CDKL1: variants seen among roughly 807,000 people sequenced by gnomAD.
CDKL1 encodes the protein cyclin dependent kinase like 1.
A neutral mutation model predicts 42.0 loss-of-function variants in CDKL1; 41 were observed. The ratio of observed to expected loss-of-function variants is 0.98; its 90% CI spans 0.76 to 1.27. The LOEUF (loss-of-function observed/expected upper bound fraction) is 1.27. Ranked by LOEUF, CDKL1 falls within the 50% of genes most tolerant of loss-of-function variation. The pLI, the probability that CDKL1 is intolerant of heterozygous loss-of-function variation, is 0.00. For missense variants in CDKL1, 394 were observed against 428.4 expected (o/e 0.92, Z 0.71); for synonymous variants, 153 against 158.6 (o/e 0.96, Z 0.26).
chr14:50,354,651 T>C (rs2139436433), intron 3 of CDKL1, among the ~76,000 whole-genome samples: 1 of 152,332 alleles, frequency 6.6e-6, no homozygotes, highest in African/African-American at 2.4e-5. Context: ...AACATAAACC[T>C]AAGCACTGGG....
At chr14:50,362,119 C>T (rs987186957) in intron 2 of CDKL1, 1 of 264,472 alleles carries the variant, frequency 3.8e-6, no homozygotes. Flanking sequence ...TGCCTCCCTG[C>T]AGGGCAGGGC....
chr14:50,360,159 T>C (rs1484630092), intron 2 of CDKL1, among the ~76,000 whole-genome samples: 1 of 152,182 alleles, frequency 6.6e-6, no homozygotes, highest in African/African-American at 2.4e-5. Context: ...AATCAAATGT[T>C]GTTTTATCGC....
chr14:50,367,313 G>A (rs1347410434), intron 2 of CDKL1, among the ~76,000 whole-genome samples: 5 of 152,220 alleles, frequency 3.3e-5, no homozygotes, highest in African/African-American at 1.2e-4. Context: ...TATCGGTGCA[G>A]TGGTGAGACC....
intron 9 of CDKL1, 103 bp from the exon 10 acceptor site, chr14:50,330,284 AG>A (rs1462112390): frequency 4.2e-6 from 6 of 1,422,138 alleles, no homozygotes; most frequent in Non-Finnish European, 5.6e-6. Context: ...TTAGTATAGA[AG>A]TACTTTTTTT....
Position 50,395,900 on chromosome 14 carries a change from T to A in CDKL1, c.-32A>T. 1 of 1,607,064 alleles carries A rather than the reference T, an allele frequency of 6.2e-7. No individual in the cohort carries two copies. Among genetic ancestry groups the A allele is most frequent in the South Asian group, 1.1e-5 (1 of 90,902 alleles). On this transcript the variant is annotated 5_prime_UTR_variant, in exon 2 of 10. It adds an upstream start codon to the 5' untranslated region. Transcript: ENST00000395834. ...GGAATAAATCTTCTTAAAATGGATC[T>A]TCAGCCGAGAATGGTGGCTCACGCC...
intron 2 of CDKL1, among the ~76,000 whole-genome samples, chr14:50,368,283 G>A (rs1030400000): frequency 2.0e-5 from 3 of 151,098 alleles, no homozygotes; most frequent in African/African-American, 7.3e-5. Flanking sequence ...TTGAGACAGG[G>A]TCTTTCTCTG....
chr14:50,352,063 A>G (rs1416846912), intron 3 of CDKL1, among the ~76,000 whole-genome samples: 1 of 152,202 alleles, frequency 6.6e-6, no homozygotes, highest in Non-Finnish European at 1.5e-5. Flanking sequence ...ATTACATTAT[A>G]CTGCTGGATT....
intron 4 of CDKL1, chr14:50,343,154 A>AATT: frequency 3.2e-4 from 84 of 265,152 alleles, no homozygotes; most frequent in Non-Finnish European, 4.4e-4. Context: ...ATTAAGAGTT[A>AATT]CTTTTTTTTT....
At chr14:50,339,472 A>G (rs555834230) in intron 6 of CDKL1, among the ~76,000 whole-genome samples, 68 of 147,736 alleles carry the variant, frequency 4.6e-4, no homozygotes, top group African/African-American at 1.6e-3. Context: ...AGTGTCTAAC[A>G]TAGAGCAAGC....
intron 2 of CDKL1, among the ~76,000 whole-genome samples, chr14:50,380,721 C>T (rs1053540500): frequency 6.6e-6 from 1 of 152,042 alleles, no homozygotes; most frequent in African/African-American, 2.4e-5. Context: ...GTGTGTACCA[C>T]AGAGTGGAAG....
intron 2 of CDKL1, among the ~76,000 whole-genome samples, chr14:50,384,410 G>T (rs1335026283): frequency 6.6e-6 from 1 of 152,176 alleles, no homozygotes; most frequent in Non-Finnish European, 1.5e-5. Flanking sequence ...AAGGAACCAG[G>T]GGTCTCTGGA....
intron 2 of CDKL1, among the ~76,000 whole-genome samples, chr14:50,371,181 C>T (rs2034581113): frequency 6.6e-6 from 1 of 152,114 alleles, no homozygotes; most frequent in South Asian, 2.1e-4. Context: ...AATTTTATGA[C>T]TTTGGCTATT....
chr14:50,326,781 C>T lies in CDKL1; in HGVS notation c.*3293G>A. 2 of 984,008 alleles carry T rather than the reference C, an allele frequency of 2.0e-6. No individual in the cohort carries two copies. The highest frequency in any genetic ancestry group is 2.4e-6 in the Non-Finnish European group (2 of 828,666). 61.0% of individuals were successfully genotyped at this position (984,008 alleles called of 1,614,324 possible). On this transcript the variant is annotated 3_prime_UTR_variant, in exon 10 of 10. Coordinates refer to ENST00000395834, the MANE Select transcript of CDKL1 (RefSeq NM_004196.7). ...TTAGGCTGGGTGCCGTGGCTCGTGC[C>T]TGTAATCCCAGTGCTTTGGGAGGCT...
At chr14:50,344,103 G>GTA in intron 4 of CDKL1, among the ~76,000 whole-genome samples, 1 of 152,346 alleles carries the variant, frequency 6.6e-6, no homozygotes, top group East Asian at 1.9e-4. Context: ...GGGCAGTATT[G>GTA]TATTGGATGG....
At chr14:50,391,663 G>A (rs1474194295) in intron 2 of CDKL1, among the ~76,000 whole-genome samples, 8 of 152,172 alleles carry the variant, frequency 5.3e-5, no homozygotes, top group Non-Finnish European at 1.2e-4. Flanking sequence ...GATTACAGGC[G>A]TGAGCCACCA....
chr14:50,390,282 A>T, intron 2 of CDKL1: 2 of 1,366,392 alleles, frequency 1.5e-6, no homozygotes, highest in Non-Finnish European at 9.8e-7. Flanking sequence ...ACCACCTGCC[A>T]TAGGTAGAAC....
chr14:50,328,052 C>A lies in CDKL1; in HGVS notation c.*2022G>T, dbSNP rs2032777525. The A allele has an allele frequency of 6.6e-6, 1 of 152,078 alleles. No individual in the cohort carries two copies. Among genetic ancestry groups the A allele is most frequent in the Middle Eastern group, 3.4e-3 (1 of 294 alleles). The allele number at this position is 152,078 out of a possible 1,614,324, so 9.4% of individuals were successfully genotyped here. A position where few individuals can be genotyped will look rare whatever the true frequency, so the allele number is the denominator to read the frequency against. On this transcript the variant is annotated 3_prime_UTR_variant, in exon 10 of 10. Coordinates refer to ENST00000395834, the MANE Select transcript of CDKL1 (RefSeq NM_004196.7). Reference sequence around the variant, plus strand: ...ACGGAACTCATTAGAAAAAAATAAGCCTTTTTTCTCAGGTTTGTTTCATTA... The same window carrying A: ...ACGGAACTCATTAGAAAAAAATAAGACTTTTTTCTCAGGTTTGTTTCATTA...
chr14:50,332,477 A>G, intron 8 of CDKL1, 45 bp from the exon 9 acceptor site: 2 of 1,556,122 alleles, frequency 1.3e-6, no homozygotes, highest in Non-Finnish European at 1.7e-6. Context: ...TCAAAATTGT[A>G]TTAACTTATT....
At chr14:50,386,389 G>A (rs936109259) in intron 2 of CDKL1, among the ~76,000 whole-genome samples, 1 of 152,196 alleles carries the variant, frequency 6.6e-6, no homozygotes, top group African/African-American at 2.4e-5. Context: ...AGCCATGACT[G>A]TGCCACTGCA....
Sources: gnomAD v4.1 joint callset for allele counts (sites outside exome capture counted in the v4.1 genomes callset) on GRCh38, gnomAD v4.1.1 for gene constraint, MANE v1.5 for transcripts, NCBI Gene and HGNC (gene_info 2026-07-23, HGNC 2026-07-21) for gene names.